Variants in SNX13 observed in about 807,000 individuals in gnomAD.
The protein encoded by SNX13 is sorting nexin-13.
A neutral mutation model predicts 133.6 loss-of-function variants in SNX13; 45 were observed. The observed-to-expected ratio is 0.34, with a 90% CI of 0.27 to 0.43. SNX13 has a LOEUF of 0.43. SNX13 is among the 20% of genes least tolerant of loss of function. The pLI is 1.00. For missense variants in SNX13, 1,032 were observed against 1,145.1 expected (o/e 0.90, Z 1.43); for synonymous variants, 414 against 373.9 (o/e 1.11, Z -1.24).
At position 17,925,871 on chromosome 7, in the gene SNX13, TAAC is replaced by T. The variant is rs202162665; in HGVS notation, c.12+14410_12+14412del. ...AAAGGTATTCTATATTAAAGAAACA[TAAC>T]AATCACATTACTGAATTAGAACCTG... On this transcript the variant is annotated intron_variant, in intron 1 of 25. Coordinates refer to ENST00000428135, the MANE Select transcript of SNX13 (RefSeq NM_015132.5). Among the ~76,000 whole-genome samples, 436 of 152,288 alleles carry T rather than the reference TAAC, an allele frequency of 2.9e-3. 11 individuals carry two copies. Among genetic ancestry groups the T allele is most frequent in the Admixed American group, 0.025 (380 of 15,298 alleles).
At chr7:17,807,276 G>C (rs1457353414) in intron 20 of SNX13, among the ~76,000 whole-genome samples, 2 of 152,054 alleles carry the variant, frequency 1.3e-5, no homozygotes, top group Non-Finnish European at 1.5e-5. Context: ...GTGGGGGGAG[G>C]GGCGCCCAGC....
At chr7:17,853,004 G>T (rs534018703) in intron 9 of SNX13, among the ~76,000 whole-genome samples, 27 of 152,152 alleles carry the variant, frequency 1.8e-4, no homozygotes, top group Non-Finnish European at 5.9e-5. Flanking sequence ...TAAGAGAAAA[G>T]ATGTGAAAAA....
rs1796628011 is a variant in SNX13 at position 17,891,537 on chromosome 7, G to T, written c.318+9C>A. On this transcript the variant is annotated intron_variant, in intron 4 of 25. Coordinates refer to ENST00000428135, the MANE Select transcript of SNX13 (RefSeq NM_015132.5). Reference sequence around the variant, plus strand: ...ATATAGAATTCAAATACCACACGCTGAAACTCACTTGCTGGAGAGGTTCAT... The same window carrying T: ...ATATAGAATTCAAATACCACACGCTTAAACTCACTTGCTGGAGAGGTTCAT... 6.2e-7 allele frequency: 1 copy of T among 1,603,396 alleles called. No individual in the cohort carries two copies. The highest frequency in any genetic ancestry group is 8.5e-7 in the Non-Finnish European group (1 of 1,171,338).
chr7:17,904,409 G>C (rs1159376624), intron 1 of SNX13, among the ~76,000 whole-genome samples: 1 of 151,638 alleles, frequency 6.6e-6, no homozygotes, highest in Non-Finnish European at 1.5e-5. Context: ...TTTAGGCCTA[G>C]GTTATCAGTG....
Position 17,834,607 on chromosome 7 carries a change from C to T in SNX13, c.1464+154G>A, listed in dbSNP as rs575774034. ...AAAATTAACGAAATAAACAAAAATA[C>T]TGGTTTACATTTCTGGAATTGAGAA... On this transcript the variant is annotated intron_variant, in intron 14 of 25. Transcript: ENST00000428135. Among the ~76,000 whole-genome samples, 5 of 151,952 alleles carry T rather than the reference C, an allele frequency of 3.3e-5. No individual in the cohort carries two copies. In the East Asian group the frequency reaches 9.7e-4, roughly 29 times the overall value.
At chr7:17,919,117 G>C (rs1799860164) in intron 1 of SNX13, among the ~76,000 whole-genome samples, 1 of 152,148 alleles carries the variant, frequency 6.6e-6, no homozygotes, top group Admixed American at 6.5e-5. Context: ...GGAGCCAAGG[G>C]TTGAAAAACT....
At chr7:17,862,160 T>G (rs1364919465) in intron 9 of SNX13, among the ~76,000 whole-genome samples, 1 of 152,166 alleles carries the variant, frequency 6.6e-6, no homozygotes, top group Non-Finnish European at 1.5e-5. Flanking sequence ...AATATCTGTA[T>G]AGAGACAGAG....
intron 2 of SNX13, among the ~76,000 whole-genome samples, chr7:17,895,896 C>T (rs1286493808): frequency 2.6e-5 from 4 of 152,180 alleles, no homozygotes; most frequent in East Asian, 1.9e-4. Context: ...GCAATATCCT[C>T]CCTTGACAAA....
chr7:17,794,416 C>T, intron 25 of SNX13, 124 bp from the exon 26 acceptor site: 4 of 1,180,646 alleles, frequency 3.4e-6, no homozygotes, highest in Non-Finnish European at 4.6e-6. Context: ...CCAGTTAATG[C>T]ATTTCAGCTA....
chr7:17,885,491 T>C (rs974819261), intron 5 of SNX13, among the ~76,000 whole-genome samples: 1 of 152,202 alleles, frequency 6.6e-6, no homozygotes, highest in Non-Finnish European at 1.5e-5. Flanking sequence ...GTGAATTGTA[T>C]CAGTTAATAA....
chr7:17,840,209 T>A (rs527315611), intron 12 of SNX13, among the ~76,000 whole-genome samples: 1 of 152,060 alleles, frequency 6.6e-6, no homozygotes, highest in African/African-American at 2.4e-5. Flanking sequence ...AGTGAAGTCG[T>A]GTATTTCAGA....
intron 18 of SNX13, 148 bp from the exon 19 acceptor site, chr7:17,816,437 G>C: frequency 1.1e-6 from 1 of 943,096 alleles, no homozygotes; most frequent in Non-Finnish European, 1.5e-6. Flanking sequence ...TGAGGCAGGC[G>C]GATCACCTGA....
At chr7:17,925,006 A>G (rs1800581694) in intron 1 of SNX13, among the ~76,000 whole-genome samples, 1 of 152,106 alleles carries the variant, frequency 6.6e-6, no homozygotes. Flanking sequence ...TCAGCAGTTC[A>G]AGACCAGCCT....
chr7:17,851,061 T>C, intron 9 of SNX13, 97 bp from the exon 10 acceptor site: 1 of 1,273,462 alleles, frequency 7.9e-7, no homozygotes, highest in South Asian at 1.5e-5. Context: ...GACAATTTGC[T>C]ACATACTCAG....
At chr7:17,840,265 T>C (rs923235217) in intron 12 of SNX13, among the ~76,000 whole-genome samples, 34 of 152,068 alleles carry the variant, frequency 2.2e-4, no homozygotes, top group African/African-American at 7.0e-4. Context: ...AGTGAATAAA[T>C]TTGTTACATA....
chr7:17,877,555 A>G (rs1794864232), intron 5 of SNX13, among the ~76,000 whole-genome samples: 1 of 152,094 alleles, frequency 6.6e-6, no homozygotes, highest in Non-Finnish European at 1.5e-5. Flanking sequence ...AGCAGAATAT[A>G]TAATATTTCA....
chr7:17,897,003 A>G (rs181460321), intron 2 of SNX13, among the ~76,000 whole-genome samples: 1 of 152,218 alleles, frequency 6.6e-6, no homozygotes, highest in Admixed American at 6.5e-5. Flanking sequence ...TTACTTATTA[A>G]CATAATGCAA....
At chr7:17,813,851 G>A (rs1022030826) in intron 20 of SNX13, among the ~76,000 whole-genome samples, 7 of 152,054 alleles carry the variant, frequency 4.6e-5, no homozygotes, top group African/African-American at 9.7e-5. Flanking sequence ...TTCCCAAAGC[G>A]CTGGGATTAC....
rs1172069577 is a variant in SNX13, at chr7:17,930,644, A to G, written c.12+9640T>C. Among the ~76,000 whole-genome samples the G allele has an allele frequency of 3.9e-5, 6 of 152,154 alleles. No homozygotes were observed. In the East Asian group the frequency reaches 1.2e-3, roughly 29 times the overall value. ...AACCTTTATGCAACCAATACTCACT[A>G]TTTGGAAAGTATATTATTTCAGTTT... On this transcript the variant is annotated intron_variant, in intron 1 of 25. Coordinates refer to ENST00000428135, the MANE Select transcript of SNX13 (RefSeq NM_015132.5).
Sources: allele counts gnomAD v4.1 joint callset (sites outside exome capture counted in the v4.1 genomes callset), GRCh38; gene constraint gnomAD v4.1.1; transcripts MANE v1.5; gene names NCBI Gene and HGNC (gene_info 2026-07-23, HGNC 2026-07-21).